The following QTGAL variants were observed in gnomAD, a reference collection of about 807,000 sequenced individuals.
The protein encoded by QTGAL is BGnT-like protein 1.
chr17:83,002,275 C>G, the QTGAL span, among the ~76,000 whole-genome samples: 1 of 152,210 alleles, frequency 6.6e-6, no homozygotes, highest in Admixed American at 6.5e-5. Flanking sequence ...AACCCGCTCT[C>G]GGTGACAGCG....
chr17:82,958,438 C>T, the QTGAL span, among the ~76,000 whole-genome samples: 51 of 152,324 alleles, frequency 3.3e-4, no homozygotes, highest in Admixed American at 2.3e-3. Context: ...TGGCTGGTGA[C>T]GGGCCTCCCC....
chr17:83,000,663 C>G, the QTGAL span, among the ~76,000 whole-genome samples: 25 of 152,250 alleles, frequency 1.6e-4, no homozygotes, highest in Non-Finnish European at 2.9e-5. Flanking sequence ...TTTCAGTATT[C>G]CTAGGCCATG....
the QTGAL span, chr17:82,945,069 G>A: frequency 6.6e-6 from 1 of 152,134 alleles, no homozygotes; most frequent in African/African-American, 2.4e-5. Context: ...AAACCTCTCT[G>A]GTAGAATGTA....
At chr17:82,978,444 T>C in the QTGAL span, 1 of 152,202 alleles carries the variant, frequency 6.6e-6, no homozygotes, top group African/African-American at 2.4e-5. This position sits in a 1 kb window ranked among gnomAD's most constrained non-coding sequence, Gnocchi z 4.8. Flanking sequence ...CTGAAACTAG[T>C]GTCCTGGTGT....
chr17:82,960,233 A>T, the QTGAL span: 1 of 151,820 alleles, frequency 6.6e-6, no homozygotes, highest in African/African-American at 2.4e-5. Context: ...TGGACCTTAG[A>T]CCCCCTGGGG....
the QTGAL span, among the ~76,000 whole-genome samples, chr17:83,034,380 TCTTA>T: frequency 6.6e-6 from 1 of 152,240 alleles, no homozygotes; most frequent in Non-Finnish European, 1.5e-5. Context: ...TTTTTATATA[TCTTA>T]CTTACCATGA....
the QTGAL span, among the ~76,000 whole-genome samples, chr17:83,037,214 C>T: frequency 6.6e-6 from 1 of 152,176 alleles, no homozygotes; most frequent in Admixed American, 6.5e-5. The surrounding 1 kb of genome is among the most constrained non-coding windows in gnomAD (Gnocchi z 5.2). Flanking sequence ...TGGCACTCTC[C>T]CGTCTCCACT....
chr17:82,957,527 G>A, the QTGAL span: 2 of 1,576,392 alleles, frequency 1.3e-6, no homozygotes, highest in South Asian at 2.3e-5. Flanking sequence ...AGGCAGGCCG[G>A]AGGCCCCACA....
At chr17:82,981,078 C>T in the QTGAL span, 2 of 152,190 alleles carry the variant, frequency 1.3e-5, no homozygotes, top group South Asian at 4.1e-4. Flanking sequence ...AGGCTCAATA[C>T]TTTAAAAGAT....
the QTGAL span, among the ~76,000 whole-genome samples, chr17:83,001,139 A>G: frequency 2.0e-5 from 3 of 152,248 alleles, no homozygotes; most frequent in Admixed American, 2.0e-4. Flanking sequence ...ACAAAGGTAT[A>G]CATCAACAAG....
chr17:82,962,972 G>C, the QTGAL span, among the ~76,000 whole-genome samples: 1 of 152,146 alleles, frequency 6.6e-6, no homozygotes, highest in Non-Finnish European at 1.5e-5. Context: ...TCCTCCCCCA[G>C]GCTTTTCCCA....
chr17:82,965,868 G>A, the QTGAL span: 1 of 1,049,486 alleles, frequency 9.5e-7, no homozygotes. Flanking sequence ...CTTCTCCACA[G>A]GGTCAGGGCC....
the QTGAL span, among the ~76,000 whole-genome samples, chr17:83,043,264 G>A: frequency 7.9e-4 from 121 of 152,256 alleles, no homozygotes; most frequent in Non-Finnish European, 1.1e-3. Flanking sequence ...CAGGTGACAC[G>A]TCCGGCCATA....
chr17:82,975,963 G>T, the QTGAL span, among the ~76,000 whole-genome samples: 1 of 71,072 alleles, frequency 1.4e-5, no homozygotes, highest in Non-Finnish European at 2.6e-5. Flanking sequence ...GGAGAGTCAG[G>T]GCCCCGGGAC....
chr17:82,976,330 C>T, the QTGAL span, among the ~76,000 whole-genome samples: 1 of 80,124 alleles, frequency 1.2e-5, no homozygotes, highest in Non-Finnish European at 2.3e-5. Context: ...TTATGGGGAA[C>T]GAGGGCCCCG....
At chr17:82,961,459 C>T in the QTGAL span, 12 of 446,504 alleles carry the variant, frequency 2.7e-5, no homozygotes, top group Admixed American at 4.1e-4. Flanking sequence ...GGTCTCAGGG[C>T]AAAGAGGAAG....
the QTGAL span, among the ~76,000 whole-genome samples, chr17:82,992,363 G>C: frequency 6.6e-6 from 1 of 152,194 alleles, no homozygotes; most frequent in East Asian, 1.9e-4. Context: ...AGACTTTTCG[G>C]TAGAAACTTT....
chr17:82,957,727 G>A, the QTGAL span, among the ~76,000 whole-genome samples: 1 of 152,164 alleles, frequency 6.6e-6, no homozygotes, highest in Non-Finnish European at 1.5e-5. Flanking sequence ...GGTGGGGACA[G>A]ATGAGAAGCT....
At chr17:83,025,953 A>G in the QTGAL span, among the ~76,000 whole-genome samples, 1 of 152,254 alleles carries the variant, frequency 6.6e-6, no homozygotes, top group African/African-American at 2.4e-5. Flanking sequence ...GCCTAAGCCA[A>G]TGGCTCAGGG....
Sources: allele counts gnomAD v4.1 joint callset (sites outside exome capture counted in the v4.1 genomes callset), GRCh38; gene constraint gnomAD v4.1.1; non-coding constraint Gnocchi (gnomAD v3.1); transcripts MANE v1.5; gene names NCBI Gene and HGNC (gene_info 2026-07-23, HGNC 2026-07-21).